Variants in CERT1 observed in about 807,000 individuals in gnomAD.
The protein encoded by CERT1 is ceramide transporter 1.
CERT1 carries 31 observed loss-of-function variants against 87.9 expected under a neutral mutation model. The ratio of observed to expected loss-of-function variants is 0.35; its 90% CI spans 0.27 to 0.48. The LOEUF (loss-of-function observed/expected upper bound fraction) is 0.48, where lower values mean the gene tolerates loss of function less well. CERT1 is among the 20% of genes least tolerant of loss of function. The pLI, the probability that CERT1 is intolerant of heterozygous loss-of-function variation, is 0.99. For missense variants in CERT1, 487 were observed against 758.0 expected (o/e 0.64, Z 4.20); for synonymous variants, 289 against 250.9 (o/e 1.15, Z -1.44).
intron 2 of CERT1, among the ~76,000 whole-genome samples, chr5:75,473,954 C>A (rs1204977801): frequency 6.6e-6 from 1 of 151,980 alleles, no homozygotes; most frequent in East Asian, 1.9e-4. Flanking sequence ...GAGAAAGACC[C>A]TCTCATATTA....
At chr5:75,444,132 T>C (rs1230827363) in intron 3 of CERT1, among the ~76,000 whole-genome samples, 2 of 152,208 alleles carry the variant, frequency 1.3e-5, no homozygotes, top group African/African-American at 4.8e-5. Flanking sequence ...CTTGGCTCAC[T>C]GCAACCCCTG....
chr5:75,419,444 G>T lies in CERT1; in HGVS notation c.596-20C>A. 6.7e-7 allele frequency: 1 copy of T among 1,483,822 alleles called. No individual in the cohort carries two copies. Among genetic ancestry groups the T allele is most frequent in the Non-Finnish European group, 9.4e-7 (1 of 1,066,746 alleles). 91.9% of individuals were successfully genotyped at this position (1,483,822 alleles called of 1,614,324 possible). On this transcript the variant is annotated intron_variant, in intron 5 of 16. Transcript: ENST00000643780. The stretch of plus-strand genomic sequence containing the variant: ...CTACCACTAAATAAAATATATTTAA[G>T]GAAATTAGGATGAAAAGAAATAGAA...
chr5:75,379,523 A>G lies in CERT1; in HGVS notation c.1748-50T>C, dbSNP rs371299966. On this transcript the variant is annotated intron_variant, in intron 16 of 16. Coordinates refer to ENST00000643780, the MANE Select transcript of CERT1 (RefSeq NM_001379029.1). ...TGTATTAAGATACAATTCTCCAAACATATGTGAAGCACTTAATTTGTTCCC... is the reference window on the plus strand; with the variant it reads ...TGTATTAAGATACAATTCTCCAAACGTATGTGAAGCACTTAATTTGTTCCC... 83 of 1,514,364 alleles carry G rather than the reference A, an allele frequency of 5.5e-5. 1 individual carries two copies. In the African/African-American group the frequency reaches 1.0e-3, roughly 19 times the overall value. 93.8% of individuals were successfully genotyped at this position (1,514,364 alleles called of 1,614,324 possible). A position where few individuals can be genotyped will look rare whatever the true frequency, so the allele number is the denominator to read the frequency against.
At chr5:75,444,537 G>T (rs1355080457) in intron 3 of CERT1, among the ~76,000 whole-genome samples, 2 of 147,108 alleles carry the variant, frequency 1.4e-5, no homozygotes, top group Non-Finnish European at 3.0e-5. Flanking sequence ...AGTTGATTTT[G>T]CTTTTCTTTT....
intron 8 of CERT1, among the ~76,000 whole-genome samples, chr5:75,409,634 C>A (rs1218935216): frequency 6.6e-6 from 1 of 152,064 alleles, no homozygotes; most frequent in Admixed American, 6.6e-5. Context: ...TCAAGTGATT[C>A]TCCTGCCTCA....
At chr5:75,471,628 G>T (rs1055546708) in intron 2 of CERT1, among the ~76,000 whole-genome samples, 1 of 151,600 alleles carries the variant, frequency 6.6e-6, no homozygotes, top group Non-Finnish European at 1.5e-5. Flanking sequence ...GCATGGTGGC[G>T]CATGCCTGTA....
chr5:75,426,311 A>AACATCCAAT (rs1234493920), intron 4 of CERT1, 60 bp downstream of exon 4: 3 of 1,186,296 alleles, frequency 2.5e-6, no homozygotes, highest in Non-Finnish European at 3.8e-6. Flanking sequence ...TTCTGTTCAC[A>AACATCCAAT]ACATCCAATA....
intron 3 of CERT1, among the ~76,000 whole-genome samples, chr5:75,435,349 C>T (rs1279448181): frequency 1.3e-5 from 2 of 152,170 alleles, no homozygotes; most frequent in African/African-American, 4.8e-5. Context: ...AACTGTGTTC[C>T]TTGGACTGCA....
chr5:75,386,415 T>C (rs1761785568), intron 12 of CERT1, among the ~76,000 whole-genome samples: 1 of 152,226 alleles, frequency 6.6e-6, no homozygotes, highest in Non-Finnish European at 1.5e-5. Context: ...CTTTGTTCAA[T>C]GCTGTATCCC....
chr5:75,511,794 A>T (rs1389560635), upstream of CERT1: 4 of 1,551,248 alleles, frequency 2.6e-6, no homozygotes, highest in Non-Finnish European at 3.5e-6. Context: ...GTAGAAAAGC[A>T]GGAGGAGCGG....
chr5:75,408,578 A>G (rs1348407414), intron 8 of CERT1, among the ~76,000 whole-genome samples: 1 of 152,220 alleles, frequency 6.6e-6, no homozygotes, highest in African/African-American at 2.4e-5. Flanking sequence ...GGAGCTAAAT[A>G]ATAGGTACAC....
At chr5:75,477,969 C>T (rs1766047151) in intron 2 of CERT1, among the ~76,000 whole-genome samples, 1 of 152,070 alleles carries the variant, frequency 6.6e-6, no homozygotes, top group African/African-American at 2.4e-5. Flanking sequence ...CTTGACTTAA[C>T]AAACCCCACT....
Position 75,386,053 on chromosome 5 carries a change from CA to C in CERT1, c.1285-20del. On this transcript the variant is annotated intron_variant, in intron 12 of 16. Transcript: ENST00000643780. ...TGTATACCTAAAGAGAACATAATTCCAAAACTGTTTGAAAATTAAAAATCAA... is the reference window on the plus strand; with the variant it reads ...TGTATACCTAAAGAGAACATAATTCCAAACTGTTTGAAAATTAAAAATCAA... The C allele has an allele frequency of 6.9e-7, 1 of 1,447,600 alleles. No homozygotes were observed. The highest frequency in any genetic ancestry group is 9.1e-7 in the Non-Finnish European group (1 of 1,096,348). The allele number at this position is 1,447,600 out of a possible 1,614,324, so 89.7% of individuals were successfully genotyped here.
chr5:75,471,593 T>C (rs1177236999), intron 2 of CERT1, among the ~76,000 whole-genome samples: 1 of 151,674 alleles, frequency 6.6e-6, no homozygotes, highest in African/African-American at 2.4e-5. Context: ...ACCCCATCTC[T>C]ACTGAAAATA....
rs1183592054 is a variant in CERT1 at position 75,511,133 on chromosome 5, C to G, written c.75G>C (p.Glu25Asp). The G allele has an allele frequency of 1.2e-6, 2 of 1,602,482 alleles. No individual in the cohort carries two copies. The highest frequency in any genetic ancestry group is 8.5e-7 in the Non-Finnish European group (1 of 1,174,412). The stretch of plus-strand genomic sequence containing the variant: ...TCACCTTACTGAGGACCCCGCAGCG[C>G]TCCACAGGCGGCCCAGACTCCGTCT... Reference protein sequence around the residue: ...DPETESGPPVERCGVLSKWTN... With the variant: ...DPETESGPPVDRCGVLSKWTN... Residue 25 changes from glutamate (E) to aspartate (D), a missense_variant, in exon 1 of 17, where the codon GAG becomes GAC. Physicochemically the swap from Glu to Asp is conservative, Grantham distance 45 (BLOSUM62 2). Coordinates refer to ENST00000643780, the MANE Select transcript of CERT1 (RefSeq NM_001379029.1).
intron 1 of CERT1, among the ~76,000 whole-genome samples, chr5:75,510,005 C>T (rs954292216): frequency 2.0e-5 from 3 of 152,204 alleles, no homozygotes; most frequent in Non-Finnish European, 2.9e-5. Context: ...TCATGCCTTT[C>T]CTGGCCCCCT....
At chr5:75,470,293 G>A (rs956968592) in intron 2 of CERT1, among the ~76,000 whole-genome samples, 4 of 152,108 alleles carry the variant, frequency 2.6e-5, no homozygotes, top group Non-Finnish European at 4.4e-5. Flanking sequence ...AGATATGTTA[G>A]ACCACAAAAC....
intron 2 of CERT1, among the ~76,000 whole-genome samples, chr5:75,494,862 TAAG>T (rs1165793636): frequency 1.3e-5 from 2 of 152,236 alleles, no homozygotes; most frequent in African/African-American, 4.8e-5. Flanking sequence ...CTTTTCTTCA[TAAG>T]AAGATAAAGT....
chr5:75,404,537 G>T (rs950505074), intron 8 of CERT1, among the ~76,000 whole-genome samples: 1 of 152,066 alleles, frequency 6.6e-6, no homozygotes, highest in African/African-American at 2.4e-5. Flanking sequence ...GTTGATCAGA[G>T]AAAACACAAA....
Sources: allele counts gnomAD v4.1 joint callset (sites outside exome capture counted in the v4.1 genomes callset), GRCh38; gene constraint gnomAD v4.1.1; transcripts MANE v1.5; gene names NCBI Gene and HGNC (gene_info 2026-07-23, HGNC 2026-07-21).